CDH13: variants seen among roughly 807,000 people sequenced by gnomAD.
CDH13 encodes the protein cadherin 13.
A neutral mutation model predicts 63.8 loss-of-function variants in CDH13; 24 were observed. The ratio of observed to expected loss-of-function variants is 0.38; its 90% CI spans 0.27 to 0.53. CDH13 has a LOEUF of 0.53. CDH13 is among the 20% of genes least tolerant of loss of function. The pLI, the probability that CDH13 is intolerant of heterozygous loss-of-function variation, is 0.85. For synonymous variants in CDH13, 503 were observed against 355.3 expected (o/e 1.42, Z -4.67); for missense variants, 1,049 against 903.1 (o/e 1.16, Z -2.07).
intron 13 of CDH13, among the ~76,000 whole-genome samples, chr16:83,794,223 A>G (rs1392012115): frequency 6.6e-6 from 1 of 152,194 alleles, no homozygotes; most frequent in Non-Finnish European, 1.5e-5. Flanking sequence ...CTTTATGGCC[A>G]TTTGTTACAG....
At chr16:82,697,135 C>T (rs2030397102) in intron 1 of CDH13, among the ~76,000 whole-genome samples, 1 of 152,138 alleles carries the variant, frequency 6.6e-6, no homozygotes, top group Non-Finnish European at 1.5e-5. Context: ...GAGTCCAGGT[C>T]CACACTCAGA....
At chr16:83,301,224 G>T (rs989255424) in intron 5 of CDH13, among the ~76,000 whole-genome samples, 1 of 151,640 alleles carries the variant, frequency 6.6e-6, no homozygotes, top group Admixed American at 6.6e-5. Flanking sequence ...GTAGAGATGG[G>T]GTTTCACTGT....
intron 7 of CDH13, among the ~76,000 whole-genome samples, chr16:83,509,558 G>T (rs2074506369): frequency 6.6e-6 from 1 of 152,186 alleles, no homozygotes; most frequent in African/African-American, 2.4e-5. Flanking sequence ...TGTCCCATTA[G>T]CTGTGGTTTG....
chr16:83,480,274 C>A (rs2073727636), intron 6 of CDH13, among the ~76,000 whole-genome samples: 1 of 152,170 alleles, frequency 6.6e-6, no homozygotes, highest in African/African-American at 2.4e-5. Flanking sequence ...TGTGATCATA[C>A]CACTGCGCTC....
intron 1 of CDH13, among the ~76,000 whole-genome samples, chr16:82,673,963 C>G (rs1308929469): frequency 6.6e-6 from 1 of 152,188 alleles, no homozygotes; most frequent in Non-Finnish European, 1.5e-5. Context: ...TTAATTAAGC[C>G]TATGGAACAA....
At chr16:83,584,402 C>G (rs1393722299) in intron 7 of CDH13, among the ~76,000 whole-genome samples, 3 of 152,174 alleles carry the variant, frequency 2.0e-5, no homozygotes, top group Non-Finnish European at 4.4e-5. Context: ...AGAGAACTAT[C>G]TATGGTTTAT....
chr16:83,602,130 A>AAC (rs1907892739), intron 7 of CDH13, among the ~76,000 whole-genome samples: 1 of 102,122 alleles, frequency 9.8e-6, no homozygotes, highest in Non-Finnish European at 2.0e-5. Context: ...AAAAAAAAAA[A>AAC]AAAAAAAAAA....
chr16:82,783,302 G>A (rs538875331), intron 1 of CDH13, among the ~76,000 whole-genome samples: 24 of 152,214 alleles, frequency 1.6e-4, no homozygotes, highest in Non-Finnish European at 3.4e-4. Flanking sequence ...CTAGCAGGGA[G>A]GGGAGGGGTC....
chr16:83,489,629 G>C (rs1018053306), intron 7 of CDH13, among the ~76,000 whole-genome samples: 7 of 152,292 alleles, frequency 4.6e-5, no homozygotes, highest in African/African-American at 1.4e-4. Context: ...CCCAGAGTTT[G>C]CAATGTTTTC....
chr16:83,454,048 G>A (rs1316479927), intron 6 of CDH13, among the ~76,000 whole-genome samples: 2 of 152,150 alleles, frequency 1.3e-5, no homozygotes, highest in Non-Finnish European at 2.9e-5. Context: ...AGGGGCATGG[G>A]TGTTTCACTG....
At chr16:83,096,772 G>T (rs2034218824) in intron 3 of CDH13, among the ~76,000 whole-genome samples, 1 of 152,086 alleles carries the variant, frequency 6.6e-6, no homozygotes, top group Non-Finnish European at 1.5e-5. Context: ...TTTTACTTCT[G>T]ATCAACCGCA....
chr16:83,560,648 T>A (rs1189003817), intron 7 of CDH13, among the ~76,000 whole-genome samples: 2 of 152,222 alleles, frequency 1.3e-5, no homozygotes, highest in Non-Finnish European at 2.9e-5. Flanking sequence ...AAAACAAAAA[T>A]GGTCATTGGT....
At chr16:82,950,137 G>A (rs1905140997) in intron 2 of CDH13, among the ~76,000 whole-genome samples, 1 of 152,104 alleles carries the variant, frequency 6.6e-6, no homozygotes, top group South Asian at 2.1e-4. Context: ...GAAGTCTAAG[G>A]TCAAGGTGTA....
chr16:82,839,377 C>G (rs1370910226), intron 1 of CDH13, among the ~76,000 whole-genome samples: 1 of 152,178 alleles, frequency 6.6e-6, no homozygotes, highest in African/African-American at 2.4e-5. Context: ...TTGCTGGTTC[C>G]TGCGTCCATC....
intron 10 of CDH13, among the ~76,000 whole-genome samples, chr16:83,697,673 A>G (rs116523154): frequency 0.019 from 2,953 of 152,288 alleles, 104 homozygotes; most frequent in African/African-American, 0.068. Flanking sequence ...TTTGAGACAG[A>G]GTCTCACTCT....
chr16:83,356,211 C>A (rs1487906473), intron 6 of CDH13, among the ~76,000 whole-genome samples: 1 of 60,722 alleles, frequency 1.6e-5, no homozygotes, highest in South Asian at 5.5e-4. Flanking sequence ...TATTTATTTT[C>A]ATGTGTGTGT....
At chr16:83,228,859 C>T (rs2039922220) in intron 5 of CDH13, among the ~76,000 whole-genome samples, 1 of 152,182 alleles carries the variant, frequency 6.6e-6, no homozygotes, top group African/African-American at 2.4e-5. Context: ...TTTACAGGGA[C>T]TGATCCGGTT....
rs541945293 is a variant in CDH13 at position 83,358,759 on chromosome 16, C to CA, written c.781+13758dup. Among the ~76,000 whole-genome samples, 16 of 152,154 alleles carry CA rather than the reference C, an allele frequency of 1.1e-4. No homozygotes were observed. The East Asian group carries it at 2.5e-3, about 24-fold the overall frequency. On this transcript the variant is annotated intron_variant, in intron 6 of 13. Coordinates refer to ENST00000567109, the MANE Select transcript of CDH13 (RefSeq NM_001257.5). Reference sequence around the variant, plus strand: ...TCAGAAAATTGAGTCTTTATTGGAACAAAAATGGTCTTTGTCTCCTCTGTT... The same window carrying CA: ...TCAGAAAATTGAGTCTTTATTGGAACAAAAAATGGTCTTTGTCTCCTCTGTT...
chr16:83,783,983 A>C (rs561308991), intron 13 of CDH13, among the ~76,000 whole-genome samples: 1 of 152,244 alleles, frequency 6.6e-6, no homozygotes, highest in Non-Finnish European at 1.5e-5. Flanking sequence ...CTATAATATC[A>C]TGAAACATTG....
Sources: gnomAD v4.1 joint callset for allele counts (sites outside exome capture counted in the v4.1 genomes callset) on GRCh38, gnomAD v4.1.1 for gene constraint, MANE v1.5 for transcripts, NCBI Gene and HGNC (gene_info 2026-07-23, HGNC 2026-07-21) for gene names.